GRIN2B: variants seen among roughly 807,000 people sequenced by gnomAD.
GRIN2B encodes the protein glutamate ionotropic receptor NMDA type subunit 2B.
In GRIN2B, 5 loss-of-function variants were observed where a neutral mutation model predicts 114.5. The ratio of observed to expected loss-of-function variants is 0.04; its 90% CI spans 0.02 to 0.09. The LOEUF (loss-of-function observed/expected upper bound fraction) is 0.09. Ranked by LOEUF, GRIN2B falls within the 10% of genes least tolerant of loss-of-function variation. The pLI is 1.00. For missense variants in GRIN2B, 1,108 were observed against 1,943.5 expected, an observed-to-expected ratio of 0.57 and a Z score of 8.08; for synonymous variants, 787 against 745.1, an observed-to-expected ratio of 1.06 and a Z score of -0.92.
intron 2 of GRIN2B, among the ~76,000 whole-genome samples, chr12:13,922,628 T>C (rs1475089521): frequency 6.6e-6 from 1 of 152,176 alleles, no homozygotes; most frequent in Non-Finnish European, 1.5e-5. Flanking sequence ...GTGGCACCCG[T>C]GGTAAGTCCG....
chr12:13,873,073 A>G (rs1865936943), intron 2 of GRIN2B, among the ~76,000 whole-genome samples: 1 of 152,234 alleles, frequency 6.6e-6, no homozygotes. Flanking sequence ...CTATAATGAA[A>G]CTGTGCTATG....
chr12:13,732,476 T>G (rs1863100877), intron 4 of GRIN2B, among the ~76,000 whole-genome samples: 1 of 152,188 alleles, frequency 6.6e-6, no homozygotes. Flanking sequence ...TTCTTTGAAA[T>G]CCAGGTCAAG....
chr12:13,611,777 G>C lies in GRIN2B; in HGVS notation c.1728C>G (p.Val576=). The C allele has an allele frequency of 6.2e-7, 1 of 1,613,654 alleles. No homozygotes were observed. The highest frequency in any genetic ancestry group is 8.5e-7 in the Non-Finnish European group (1 of 1,179,558). ...AACCCACAGGGCTGAAGTACTCAAAGACAAAGACAGCCACGGCTGAGACGA... is the reference window on the plus strand; with the variant it reads ...AACCCACAGGGCTGAAGTACTCAAACACAAAGACAGCCACGGCTGAGACGA... The part of the protein sequence containing the change: ...LLIVSAVAVF[V]FEYFSPVGYN... Residue 576 remains valine (V), a synonymous_variant, in exon 9 of 14, where the codon GTC becomes GTG. Coordinates refer to ENST00000609686, the MANE Select transcript of GRIN2B (RefSeq NM_000834.5).
At chr12:13,784,419 A>C (rs1043950071) in intron 3 of GRIN2B, among the ~76,000 whole-genome samples, 5 of 152,014 alleles carry the variant, frequency 3.3e-5, no homozygotes, top group Non-Finnish European at 7.4e-5. Context: ...GAGTCCCCAC[A>C]TGACAATTTG....
At chr12:13,626,072 T>C (rs1212658730) in intron 5 of GRIN2B, among the ~76,000 whole-genome samples, 2 of 151,946 alleles carry the variant, frequency 1.3e-5, no homozygotes, top group African/African-American at 4.8e-5. Context: ...ATCCTCAGAG[T>C]CCTATTCTTA....
intron 4 of GRIN2B, among the ~76,000 whole-genome samples, chr12:13,720,118 G>A (rs1270605835): frequency 6.6e-6 from 1 of 151,992 alleles, no homozygotes; most frequent in Non-Finnish European, 1.5e-5. Flanking sequence ...GAGATGTAGG[G>A]AATGTCGAGT....
In GRIN2B at chr12:13,548,310, G is replaced by C. The variant is rs771363821; in HGVS notation, c.*14473C>G. 1.3e-5 allele frequency: 2 copies of C among 151,968 alleles called. No individual in the cohort carries two copies. Among genetic ancestry groups the C allele is most frequent in the Non-Finnish European group, 2.9e-5 (2 of 67,996 alleles). 9.4% of individuals were successfully genotyped at this position (151,968 alleles called of 1,614,324 possible). A position where few individuals can be genotyped will look rare whatever the true frequency, so the allele number is the denominator to read the frequency against. ...GTGGCTTCAGTCTTGTGCAGATATA[G>C]ATTTTCTTTGTAAGACTTCCTCCAT... On this transcript the variant is annotated 3_prime_UTR_variant, in exon 14 of 14. Transcript: ENST00000609686.
chr12:13,867,673 T>C (rs1318138114), intron 2 of GRIN2B, among the ~76,000 whole-genome samples: 1 of 152,204 alleles, frequency 6.6e-6, no homozygotes, highest in Non-Finnish European at 1.5e-5. Flanking sequence ...TTTATTCCCA[T>C]TTCTCAAATA....
intron 4 of GRIN2B, among the ~76,000 whole-genome samples, chr12:13,752,807 C>CA (rs757390278): frequency 1.3e-5 from 2 of 152,212 alleles, no homozygotes; most frequent in Non-Finnish European, 2.9e-5. Context: ...TACAGATCCG[C>CA]ATAACCTGTT....
chr12:13,844,185 G>A (rs538680144), intron 3 of GRIN2B, among the ~76,000 whole-genome samples: 4 of 152,328 alleles, frequency 2.6e-5, no homozygotes, highest in Admixed American at 1.3e-4. Context: ...GACGGATAAG[G>A]TGAGAGGCTG....
At position 13,599,328 on chromosome 12, in the gene GRIN2B, A is replaced by G. The variant is rs191713337; in HGVS notation, c.2010+9275T>C. 3.5e-3 allele frequency among the ~76,000 whole-genome samples: 540 copies of G among 152,192 alleles called. 14 individuals are homozygous for G. The highest frequency in any genetic ancestry group is 0.028 in the Admixed American group (431 of 15,294). Reference sequence around the variant, plus strand: ...GTTCCAAAAATATAGCAGGCTGCACACCTTTTCCACTCTTGCCACCATTAC... The same window carrying G: ...GTTCCAAAAATATAGCAGGCTGCACGCCTTTTCCACTCTTGCCACCATTAC... On this transcript the variant is annotated intron_variant, in intron 10 of 13. Coordinates refer to ENST00000609686, the MANE Select transcript of GRIN2B (RefSeq NM_000834.5).
chr12:13,563,726 C>T lies in GRIN2B; in HGVS notation c.3512G>A (p.Gly1171Glu), dbSNP rs1948587537. ...GATGTGAGACCTGTTGGTACAGGGC[C>T]CTCCTCCGCTGACGGAGTCGCGCTT... is the stretch of plus-strand genomic sequence containing the variant. The part of the protein sequence containing the change: ...DFKRDSVSGG[G>E]PCTNRSHIKH... Residue 1171 changes from glycine (G) to glutamate (E), a missense_variant, in exon 14 of 14, where the codon GGG becomes GAG. Physicochemically the swap from Gly to Glu is moderately conservative, Grantham distance 98. Coordinates refer to ENST00000609686, the MANE Select transcript of GRIN2B (RefSeq NM_000834.5). The T allele has an allele frequency of 1.9e-6, 3 of 1,613,758 alleles. No homozygotes were observed. Among genetic ancestry groups the T allele is most frequent in the African/African-American group, 1.3e-5 (1 of 75,046 alleles).
intron 3 of GRIN2B, among the ~76,000 whole-genome samples, chr12:13,755,854 G>T (rs978793964): frequency 2.0e-5 from 3 of 152,060 alleles, no homozygotes; most frequent in African/African-American, 7.2e-5. Flanking sequence ...TCAAATTAGT[G>T]CCCTTATTAA....
chr12:13,607,462 A>G (rs368930594), intron 10 of GRIN2B, among the ~76,000 whole-genome samples: 1 of 95,126 alleles, frequency 1.1e-5, no homozygotes, highest in East Asian at 2.6e-4. Flanking sequence ...AATATATAAA[A>G]TATATATAAT....
intron 5 of GRIN2B, among the ~76,000 whole-genome samples, chr12:13,664,036 G>C (rs917316808): frequency 6.6e-6 from 1 of 152,142 alleles, no homozygotes; most frequent in African/African-American, 2.4e-5. Flanking sequence ...GGCACAGAAA[G>C]GGGGAATAAT....
intron 4 of GRIN2B, among the ~76,000 whole-genome samples, chr12:13,686,140 C>T (rs956426883): frequency 2.0e-5 from 3 of 152,132 alleles, no homozygotes; most frequent in Non-Finnish European, 2.9e-5. Flanking sequence ...TTCACTCTAA[C>T]GCAGTACATT....
At chr12:13,607,300 A>T (rs1257157370) in intron 10 of GRIN2B, among the ~76,000 whole-genome samples, 12 of 58,592 alleles carry the variant, frequency 2.0e-4, no homozygotes, top group Non-Finnish European at 6.0e-5. Flanking sequence ...ATATAAAAAT[A>T]TATATTATAT....
chr12:13,914,335 T>C (rs1490822090), intron 2 of GRIN2B, among the ~76,000 whole-genome samples: 3 of 152,128 alleles, frequency 2.0e-5, no homozygotes, highest in Non-Finnish European at 4.4e-5. Flanking sequence ...GTCTCAGCTT[T>C]TTCATCTGTA....
At chr12:13,756,564 T>C (rs976306496) in intron 3 of GRIN2B, among the ~76,000 whole-genome samples, 3 of 152,186 alleles carry the variant, frequency 2.0e-5, no homozygotes, top group African/African-American at 7.2e-5. Context: ...AGAAATATTA[T>C]CACATGAGCT....
Sources: allele counts gnomAD v4.1 joint callset (sites outside exome capture counted in the v4.1 genomes callset), GRCh38; gene constraint gnomAD v4.1.1; transcripts MANE v1.5; gene names NCBI Gene and HGNC (gene_info 2026-07-23, HGNC 2026-07-21).